Variants in FGF12 observed in about 807,000 individuals in gnomAD.
FGF12 encodes the protein fibroblast growth factor 12B.
FGF12 carries 14 observed loss-of-function variants against 23.6 expected under a neutral mutation model. The ratio of observed to expected loss-of-function variants is 0.59; its 90% CI spans 0.39 to 0.93. The LOEUF (loss-of-function observed/expected upper bound fraction) is 0.93, where lower values mean the gene tolerates loss of function less well. Ranked by LOEUF, FGF12 falls within the 40% of genes least tolerant of loss-of-function variation. FGF12 has a pLI of 0.00. For missense variants in FGF12, 175 were observed against 217.8 expected (o/e 0.80, Z 1.24); for synonymous variants, 62 against 77.3 (o/e 0.80, Z 1.04).
At position 192,360,655 on chromosome 3, in the gene FGF12, T is replaced by G; in HGVS notation, c.14-117A>C. The stretch of plus-strand genomic sequence containing the variant: ...AATGCCAATAGCTTAAATATTGAAT[T>G]ATGTATTTGGGAGTTGGGTGTTTCA... On this transcript the variant is annotated intron_variant, in intron 2 of 5. Transcript: ENST00000445105. This position sits in a 1 kb window ranked among gnomAD's most constrained non-coding sequence, Gnocchi z 4.3. 1 of 713,526 alleles carries G rather than the reference T, an allele frequency of 1.4e-6. No individual in the cohort carries two copies. Among genetic ancestry groups the G allele is most frequent in the Non-Finnish European group, 2.5e-6 (1 of 404,592 alleles). 44.2% of individuals were successfully genotyped at this position (713,526 alleles called of 1,614,324 possible). A position where few individuals can be genotyped will look rare whatever the true frequency, so the allele number is the denominator to read the frequency against.
intron 2 of FGF12, among the ~76,000 whole-genome samples, chr3:192,549,069 A>G (rs548980856): frequency 6.6e-6 from 1 of 152,304 alleles, no homozygotes; most frequent in East Asian, 1.9e-4. Context: ...CCTAAACCAT[A>G]CCAGGCAAGC....
rs12497230 is a variant in FGF12 at position 192,310,178 on chromosome 3, T to G, written c.228+25183A>C. Among the ~76,000 whole-genome samples, 427 of 152,306 alleles carry G rather than the reference T, an allele frequency of 2.8e-3. 7 individuals carry two copies. Among genetic ancestry groups the G allele is most frequent in the Admixed American group, 0.026 (393 of 15,288 alleles). ...CTACAACCTGGATTAACAGTCACAC[T>G]TCACAAAATAGACTTCTATGACTTT... On this transcript the variant is annotated intron_variant, in intron 4 of 5. Coordinates refer to ENST00000445105, the MANE Select transcript of FGF12 (RefSeq NM_004113.6).
At chr3:192,144,591 G>GT (rs1713590252) in intron 5 of FGF12, among the ~76,000 whole-genome samples, 1 of 152,128 alleles carries the variant, frequency 6.6e-6, no homozygotes, top group South Asian at 2.1e-4. Context: ...GGCATCCTAT[G>GT]TAAAAAAATA....
chr3:192,503,666 C>T (rs1238852855), intron 2 of FGF12, among the ~76,000 whole-genome samples: 4 of 137,836 alleles, frequency 2.9e-5, no homozygotes, highest in East Asian at 2.2e-4. Flanking sequence ...AGTGCAATGG[C>T]GCAATCTCGG....
Position 192,281,055 on chromosome 3 carries a change from T to G in FGF12, c.228+54306A>C, listed in dbSNP as rs944359270. ...AGTTTTCCTTACACTTTCTGCAGTC[T>G]CTCACATTCAGTGTGTGGGGTATAT... On this transcript the variant is annotated intron_variant, in intron 4 of 5. Coordinates refer to ENST00000445105, the MANE Select transcript of FGF12 (RefSeq NM_004113.6). Among the ~76,000 whole-genome samples the G allele has an allele frequency of 9.9e-5, 15 of 152,276 alleles. No individual in the cohort carries two copies. The East Asian group carries it at 2.9e-3, about 29-fold the overall frequency.
intron 3 of FGF12, among the ~76,000 whole-genome samples, chr3:192,342,918 G>A (rs1717762801): frequency 6.6e-6 from 1 of 151,700 alleles, no homozygotes; most frequent in African/African-American, 2.4e-5. Flanking sequence ...AAAGGTAACA[G>A]TCAATCCAAA....
At chr3:192,405,072 C>T (rs566370087) in intron 2 of FGF12, among the ~76,000 whole-genome samples, 11 of 145,498 alleles carry the variant, frequency 7.6e-5, no homozygotes, top group Admixed American at 1.3e-4. Context: ...TTGACAAAAC[C>T]TAGTTGTGTA....
intron 2 of FGF12, among the ~76,000 whole-genome samples, chr3:192,383,501 G>GT (rs1410104156): frequency 2.0e-5 from 3 of 149,326 alleles, no homozygotes; most frequent in African/African-American, 7.5e-5. Context: ...AAATGACATG[G>GT]TTCCAAGGAT....
chr3:192,577,071 G>A (rs947051096), intron 2 of FGF12, among the ~76,000 whole-genome samples: 7 of 152,134 alleles, frequency 4.6e-5, no homozygotes, highest in Admixed American at 1.3e-4. Flanking sequence ...GGGGGACTAG[G>A]GGAGGGATAG....
At chr3:192,630,654 C>G (rs868838358) in intron 2 of FGF12, among the ~76,000 whole-genome samples, 3 of 151,386 alleles carry the variant, frequency 2.0e-5, no homozygotes, top group South Asian at 2.1e-4. Context: ...CCAGGTTCAC[C>G]CCATTCTCCT....
chr3:192,674,050 T>C (rs1266397142), intron 2 of FGF12, among the ~76,000 whole-genome samples: 1 of 151,088 alleles, frequency 6.6e-6, no homozygotes, highest in Non-Finnish European at 1.5e-5. Context: ...TAGACTCTCT[T>C]ATTGAGTGAT....
At chr3:192,600,727 C>A (rs1397053859) in intron 2 of FGF12, among the ~76,000 whole-genome samples, 2 of 151,964 alleles carry the variant, frequency 1.3e-5, no homozygotes, top group Admixed American at 6.6e-5. Flanking sequence ...CAGGGAAATG[C>A]AAATCAAAAC....
chr3:192,641,434 C>T (rs1367327426), intron 2 of FGF12, among the ~76,000 whole-genome samples: 4 of 126,636 alleles, frequency 3.2e-5, no homozygotes, highest in Admixed American at 9.0e-5. Flanking sequence ...GACAGAGTTT[C>T]ACTCTTGTTG....
rs189963614 is a variant in FGF12 at position 192,726,762 on chromosome 3, A to C, written c.13+419T>G. The stretch of plus-strand genomic sequence containing the variant: ...GAGGTGGGGGTGGTGAAATTCAAAC[A>C]TTTTTTTTTTAGCAATGCATTATTG... On this transcript the variant is annotated intron_variant, in intron 2 of 5. Transcript: ENST00000445105. 797 of 192,588 alleles carry C rather than the reference A, an allele frequency of 4.1e-3. 5 individuals carry two copies. The highest frequency in any genetic ancestry group is 6.1e-3 in the Non-Finnish European group (573 of 93,224). 11.9% of individuals were successfully genotyped at this position (192,588 alleles called of 1,614,324 possible). A position where few individuals can be genotyped will look rare whatever the true frequency, so the allele number is the denominator to read the frequency against.
Position 192,600,448 on chromosome 3 carries a change from G to C in FGF12, c.13+126733C>G, listed in dbSNP as rs960649773. On this transcript the variant is annotated intron_variant, in intron 2 of 5. Transcript: ENST00000445105. ...AGAATATCATCGGTATTTTGATAGA[G>C]ATTTCACTGAATCTGTAGATTGCTT... Among the ~76,000 whole-genome samples, 4 of 151,976 alleles carry C rather than the reference G, an allele frequency of 2.6e-5. No individual in the cohort carries two copies. The East Asian group carries it at 7.7e-4, about 29-fold the overall frequency.
rs1577316239 is a variant in FGF12, at chr3:192,281,751, C to T, written c.228+53610G>A. Among the ~76,000 whole-genome samples, 3 of 152,168 alleles carry T rather than the reference C, an allele frequency of 2.0e-5. No individual in the cohort carries two copies. The South Asian group carries it at 6.2e-4, about 32-fold the overall frequency. On this transcript the variant is annotated intron_variant, in intron 4 of 5. Coordinates refer to ENST00000445105, the MANE Select transcript of FGF12 (RefSeq NM_004113.6). ...TCCTCTGAGTACAGTGCATCCAGGG[C>T]TTACCTAAAACATAACAAATATGTG...
At chr3:192,155,207 A>T (rs1330432129) in intron 5 of FGF12, among the ~76,000 whole-genome samples, 1 of 151,980 alleles carries the variant, frequency 6.6e-6, no homozygotes, top group East Asian at 2.0e-4. Flanking sequence ...ACCTGCGCCC[A>T]CTGTCTGGCA....
At chr3:192,427,799 G>A (rs1296475620) in intron 2 of FGF12, among the ~76,000 whole-genome samples, 2 of 152,198 alleles carry the variant, frequency 1.3e-5, no homozygotes, top group Non-Finnish European at 2.9e-5. Flanking sequence ...GCACTCATCT[G>A]TGTGACTTCC....
intron 2 of FGF12, among the ~76,000 whole-genome samples, chr3:192,678,177 G>C: frequency 6.6e-6 from 1 of 152,120 alleles, no homozygotes; most frequent in Middle Eastern, 3.2e-3. Flanking sequence ...ACTTATTATT[G>C]TGTGCTCATC....
Sources: allele counts gnomAD v4.1 joint callset (sites outside exome capture counted in the v4.1 genomes callset), GRCh38; gene constraint gnomAD v4.1.1; non-coding constraint Gnocchi (gnomAD v3.1); transcripts MANE v1.5; gene names NCBI Gene and HGNC (gene_info 2026-07-23, HGNC 2026-07-21).